SDCCAG8: variants seen among roughly 807,000 people sequenced by gnomAD.
SDCCAG8 encodes SHH signaling and ciliogenesis regulator SDCCAG8.
SDCCAG8 carries 74 observed loss-of-function variants against 101.8 expected under a neutral mutation model. The observed-to-expected ratio is 0.73, with a 90% CI of 0.60 to 0.88. The LOEUF (loss-of-function observed/expected upper bound fraction) is 0.88, where lower values mean the gene tolerates loss of function less well. SDCCAG8 is among the 40% of genes least tolerant of loss of function. The pLI is 0.00. For missense variants in SDCCAG8, 787 were observed against 822.6 expected, an observed-to-expected ratio of 0.96 and a Z score of 0.53; for synonymous variants, 281 against 292.9, an observed-to-expected ratio of 0.96 and a Z score of 0.41.
intron 8 of SDCCAG8, among the ~76,000 whole-genome samples, chr1:243,311,528 A>G (rs1338283799): frequency 6.6e-6 from 1 of 152,222 alleles, no homozygotes; most frequent in East Asian, 1.9e-4. Context: ...TAATTTTGCA[A>G]GGAGAATATA....
intron 6 of SDCCAG8, among the ~76,000 whole-genome samples, chr1:243,296,721 A>T (rs1380680240): frequency 2.7e-5 from 4 of 148,540 alleles, no homozygotes; most frequent in African/African-American, 4.9e-5. Context: ...TTTTTTTTGT[A>T]TTTTTAGTAG....
chr1:243,312,981 A>G (rs1246911656), intron 8 of SDCCAG8, among the ~76,000 whole-genome samples: 1 of 152,182 alleles, frequency 6.6e-6, no homozygotes, highest in African/African-American at 2.4e-5. Context: ...TTAATGATCA[A>G]AGTACCTTCA....
chr1:243,323,039 G>T (rs1052655389), intron 9 of SDCCAG8, among the ~76,000 whole-genome samples: 3 of 151,854 alleles, frequency 2.0e-5, no homozygotes, highest in Non-Finnish European at 4.4e-5. Flanking sequence ...GGAGGCTGAG[G>T]CAGGAGAATT....
intron 4 of SDCCAG8, among the ~76,000 whole-genome samples, chr1:243,282,914 T>C (rs1189921972): frequency 2.6e-5 from 4 of 152,184 alleles, no homozygotes; most frequent in Non-Finnish European, 5.9e-5. Flanking sequence ...TGGCGAGGTC[T>C]TGGCTCACTG....
chr1:243,304,981 T>C, intron 7 of SDCCAG8: 1 of 568,642 alleles, frequency 1.8e-6, no homozygotes, highest in Non-Finnish European at 3.1e-6. Context: ...CATTTCTTCA[T>C]CAGTTGTAAA....
At chr1:243,359,662 T>C (rs2076585057) in intron 12 of SDCCAG8, among the ~76,000 whole-genome samples, 2 of 152,204 alleles carry the variant, frequency 1.3e-5, no homozygotes, top group Non-Finnish European at 2.9e-5. Context: ...GTAAGGTCCT[T>C]AAAGTCAGGG....
chr1:243,453,499 T>C (rs1454171613), intron 16 of SDCCAG8, among the ~76,000 whole-genome samples: 1 of 152,192 alleles, frequency 6.6e-6, no homozygotes, highest in Non-Finnish European at 1.5e-5. Context: ...GGCTGATGTC[T>C]CAATGTAACA....
rs534697165 is a variant in SDCCAG8 at position 243,281,276 on chromosome 1, CT to C, written c.421-4986del. On this transcript the variant is annotated intron_variant, in intron 4 of 17. Transcript: ENST00000366541. ...TCTGTGTCTTCGTATTTATAATTGG[CT>C]TTTTTTTTTGTTTTGAGATTTCTTT... is the stretch of plus-strand genomic sequence containing the variant. Among the ~76,000 whole-genome samples, 531 of 133,424 alleles carry C rather than the reference CT, an allele frequency of 4.0e-3. 5 individuals carry two copies. Among genetic ancestry groups the C allele is most frequent in the African/African-American group, 0.013 (481 of 36,432 alleles). The allele number at this position is 133,424 out of a possible 152,430, so 87.5% of individuals were successfully genotyped here.
At chr1:243,400,342 T>C (rs11801170) in intron 13 of SDCCAG8, among the ~76,000 whole-genome samples, 2,317 of 152,340 alleles carry the variant, frequency 0.015, 18 homozygotes, top group Middle Eastern at 0.034. Context: ...TGAACTAAAC[T>C]AATTTGTAGT....
intron 13 of SDCCAG8, among the ~76,000 whole-genome samples, chr1:243,393,184 T>C (rs1309648580): frequency 1.3e-5 from 2 of 152,094 alleles, no homozygotes; most frequent in African/African-American, 4.8e-5. Flanking sequence ...AGTAATGAAA[T>C]CCTGACTCTG....
chr1:243,384,712 G>A (rs1198715453), intron 13 of SDCCAG8, among the ~76,000 whole-genome samples: 2 of 152,152 alleles, frequency 1.3e-5, no homozygotes, highest in African/African-American at 2.4e-5. Context: ...GGAGGCTGAG[G>A]TAGGAGGGTC....
chr1:243,424,176 A>G (rs1281766310), intron 15 of SDCCAG8, among the ~76,000 whole-genome samples: 1 of 151,986 alleles, frequency 6.6e-6, no homozygotes, highest in Non-Finnish European at 1.5e-5. Context: ...TTATTTTTGT[A>G]AATAATTTCC....
chr1:243,467,186 G>A (rs956887774), intron 16 of SDCCAG8, among the ~76,000 whole-genome samples: 2 of 152,248 alleles, frequency 1.3e-5, no homozygotes, highest in African/African-American at 2.4e-5. Context: ...AAAGATTGAT[G>A]AATCTGGAAG....
At chr1:243,466,724 G>A (rs141386357) in intron 16 of SDCCAG8, among the ~76,000 whole-genome samples, 2 of 152,236 alleles carry the variant, frequency 1.3e-5, no homozygotes, top group Non-Finnish European at 2.9e-5. Context: ...TGCCTGGGAG[G>A]TGATGTTACA....
intron 17 of SDCCAG8, among the ~76,000 whole-genome samples, chr1:243,493,103 A>G (rs1260780520): frequency 1.3e-5 from 2 of 151,884 alleles, no homozygotes; most frequent in African/African-American, 4.8e-5. Flanking sequence ...GTATTCCGGG[A>G]GGGTCAGGGC....
intron 17 of SDCCAG8, among the ~76,000 whole-genome samples, chr1:243,492,604 G>GTTTTTT (rs74162289): frequency 6.1e-4 from 36 of 58,860 alleles, no homozygotes; most frequent in Admixed American, 1.2e-3. Flanking sequence ...GCGCCCAGCT[G>GTTTTTT]TTTTTTTTTT....
chr1:243,283,821 A>C (rs1341253867), intron 4 of SDCCAG8, among the ~76,000 whole-genome samples: 1 of 152,068 alleles, frequency 6.6e-6, no homozygotes, highest in Non-Finnish European at 1.5e-5. Context: ...GCTCACTGCA[A>C]CCTCTGCCTC....
At chr1:243,326,276 A>G (rs745391968) in intron 9 of SDCCAG8, among the ~76,000 whole-genome samples, 1 of 152,196 alleles carries the variant, frequency 6.6e-6, no homozygotes, top group Non-Finnish European at 1.5e-5. Flanking sequence ...TATGGGTTAC[A>G]TGTGATATTC....
At chr1:243,298,508 G>C (rs1161658322) in intron 6 of SDCCAG8, among the ~76,000 whole-genome samples, 3 of 150,624 alleles carry the variant, frequency 2.0e-5, no homozygotes, top group African/African-American at 7.3e-5. Context: ...GTAGAGACGG[G>C]GTTTCACCAC....
Sources: gnomAD v4.1 joint callset for allele counts (sites outside exome capture counted in the v4.1 genomes callset) on GRCh38, gnomAD v4.1.1 for gene constraint, MANE v1.5 for transcripts, NCBI Gene and HGNC (gene_info 2026-07-23, HGNC 2026-07-21) for gene names.